The following UNC13C variants were observed in gnomAD, a reference collection of about 807,000 sequenced individuals.
UNC13C encodes the protein unc-13 homolog C.
Under a neutral mutation model 245.4 loss-of-function variants are expected in UNC13C, and 174 were observed. The ratio of observed to expected loss-of-function variants is 0.71; its 90% CI spans 0.63 to 0.80. The LOEUF is 0.80. Among genes scored for constraint, UNC13C ranks in the 30% least tolerant of loss-of-function variants. The pLI, the probability that UNC13C is intolerant of heterozygous loss-of-function variation, is 0.00. For missense variants in UNC13C, 2,829 were observed against 2,602.9 expected, an observed-to-expected ratio of 1.09 and a Z score of -1.89; for synonymous variants, 992 against 895.1, an observed-to-expected ratio of 1.11 and a Z score of -1.93.
At position 54,131,189 on chromosome 15, in the gene UNC13C, A is replaced by C. The variant is rs74341419; in HGVS notation, c.2984-11829A>C. Among the ~76,000 whole-genome samples the C allele has an allele frequency of 4.7e-3, 712 of 152,318 alleles. 30 individuals carry two copies. In the East Asian group the frequency reaches 0.093, roughly 20 times the overall value. On this transcript the variant is annotated intron_variant, in intron 2 of 32. Transcript: ENST00000260323. Reference sequence around the variant, plus strand: ...TGTTACCTAGTATTTGTGTGTCTGCATGGAATTTTGGTATATGTGGACCAG... The same window carrying C: ...TGTTACCTAGTATTTGTGTGTCTGCCTGGAATTTTGGTATATGTGGACCAG...
At position 54,515,666 on chromosome 15, in the gene UNC13C, C is replaced by T. The variant is rs145353809; in HGVS notation, c.5457+3836C>T. Among the ~76,000 whole-genome samples, 17 of 152,206 alleles carry T rather than the reference C, an allele frequency of 1.1e-4. No homozygotes were observed. The East Asian group carries it at 1.5e-3, about 14-fold the overall frequency. ...CTTCACAATATTTTATTGGTGCAATCGTTTTAAATGGTAGAATCCATAGTT... is the reference window on the plus strand; with the variant it reads ...CTTCACAATATTTTATTGGTGCAATTGTTTTAAATGGTAGAATCCATAGTT... On this transcript the variant is annotated intron_variant, in intron 24 of 32. Coordinates refer to ENST00000260323, the MANE Select transcript of UNC13C (RefSeq NM_001080534.3).
At chr15:54,309,094 A>T (rs968076311) in intron 13 of UNC13C, among the ~76,000 whole-genome samples, 3 of 151,762 alleles carry the variant, frequency 2.0e-5, no homozygotes, top group African/African-American at 7.3e-5. Flanking sequence ...GTTTGTCATA[A>T]TTGCTGTAAT....
intron 13 of UNC13C, among the ~76,000 whole-genome samples, chr15:54,306,444 G>A (rs2037725799): frequency 6.6e-6 from 1 of 151,950 alleles, no homozygotes; most frequent in African/African-American, 2.4e-5. Context: ...CACATATTTT[G>A]CATCATGGGG....
At chr15:54,160,362 G>A in intron 4 of UNC13C, among the ~76,000 whole-genome samples, 1 of 149,286 alleles carries the variant, frequency 6.7e-6, no homozygotes, top group South Asian at 2.2e-4. Flanking sequence ...TAAGAAAGAA[G>A]GATGTTATTA....
At chr15:54,589,192 T>C (rs1485522373) in intron 30 of UNC13C, among the ~76,000 whole-genome samples, 1 of 151,970 alleles carries the variant, frequency 6.6e-6, no homozygotes, top group Non-Finnish European at 1.5e-5. Context: ...AGTAAGGTGG[T>C]ATCGCATTGT....
At chr15:54,114,042 G>C (rs1318354578) in intron 2 of UNC13C, among the ~76,000 whole-genome samples, 1 of 152,002 alleles carries the variant, frequency 6.6e-6, no homozygotes, top group Non-Finnish European at 1.5e-5. Flanking sequence ...ATACAGCTCT[G>C]CCTCACCAGT....
At chr15:54,372,344 C>A (rs1308132168) in intron 17 of UNC13C, among the ~76,000 whole-genome samples, 1 of 151,680 alleles carries the variant, frequency 6.6e-6, no homozygotes, top group Non-Finnish European at 1.5e-5. Context: ...TCCTTAAGAG[C>A]CTAGATTATT....
At chr15:54,362,133 T>C (rs1054766249) in intron 17 of UNC13C, among the ~76,000 whole-genome samples, 1 of 152,190 alleles carries the variant, frequency 6.6e-6, no homozygotes, top group Non-Finnish European at 1.5e-5. Flanking sequence ...GCTGCCAAGA[T>C]CTGTGTACCA....
At chr15:54,017,698 G>A (rs907432346) in intron 2 of UNC13C, among the ~76,000 whole-genome samples, 6 of 152,108 alleles carry the variant, frequency 3.9e-5, no homozygotes, top group African/African-American at 1.4e-4. Flanking sequence ...TGTTACTGAT[G>A]GTGACCCTTC....
chr15:54,043,617 G>C (rs1177568634), intron 2 of UNC13C, among the ~76,000 whole-genome samples: 1 of 152,176 alleles, frequency 6.6e-6, no homozygotes, highest in African/African-American at 2.4e-5. Context: ...TTTGGTTCTT[G>C]TCAAGGGAAA....
At chr15:53,894,943 A>G in the UNC13C span, among the ~76,000 whole-genome samples, 1 of 152,312 alleles carries the variant, frequency 6.6e-6, no homozygotes. Context: ...AATTTGTTCC[A>G]CATAGTATTA....
chr15:54,516,918 T>A (rs1014142161), intron 24 of UNC13C, among the ~76,000 whole-genome samples: 1 of 152,126 alleles, frequency 6.6e-6, no homozygotes, highest in African/African-American at 2.4e-5. Flanking sequence ...CACCTGAGAT[T>A]CAAGGTGTTT....
intron 4 of UNC13C, among the ~76,000 whole-genome samples, chr15:54,208,875 G>A (rs1380849395): frequency 6.6e-6 from 1 of 152,054 alleles, no homozygotes; most frequent in African/African-American, 2.4e-5. Context: ...ATACATTTAT[G>A]CTTATCCCAT....
At chr15:54,573,646 C>T (rs1596595586) in intron 30 of UNC13C, among the ~76,000 whole-genome samples, 1 of 152,160 alleles carries the variant, frequency 6.6e-6, no homozygotes, top group Admixed American at 6.5e-5. Flanking sequence ...ATGCAAGTTG[C>T]TCTAATATGG....
intron 30 of UNC13C, among the ~76,000 whole-genome samples, chr15:54,618,540 G>A (rs903438303): frequency 1.3e-5 from 2 of 150,170 alleles, no homozygotes; most frequent in African/African-American, 4.9e-5. Flanking sequence ...GCCTTTTTGA[G>A]CAAATAACTA....
chr15:54,146,596 G>C (rs1371235735), intron 4 of UNC13C, among the ~76,000 whole-genome samples: 5 of 152,220 alleles, frequency 3.3e-5, no homozygotes, highest in African/African-American at 1.2e-4. Flanking sequence ...GGACAGAGAA[G>C]AGGTGACAGA....
At chr15:54,578,906 G>A (rs8040774) in intron 30 of UNC13C, among the ~76,000 whole-genome samples, 2 of 151,948 alleles carry the variant, frequency 1.3e-5, no homozygotes, top group Non-Finnish European at 2.9e-5. Context: ...CTGGGTGCCC[G>A]TTTGTGACAG....
chr15:54,154,596 G>C lies in UNC13C; in HGVS notation c.3071+10912G>C, dbSNP rs372779847. On this transcript the variant is annotated intron_variant, in intron 4 of 32. Transcript: ENST00000260323. ...AAATAAAATGTTATTTCTCATCCAT[G>C]CAACATTTCCGTTTTTTCCCCTTAT... 9.9e-5 allele frequency among the ~76,000 whole-genome samples: 15 copies of C among 152,194 alleles called. No individual in the cohort carries two copies. The East Asian group carries it at 2.9e-3, about 29-fold the overall frequency.
At chr15:54,253,261 C>G (rs2036199138) in intron 8 of UNC13C, among the ~76,000 whole-genome samples, 1 of 152,160 alleles carries the variant, frequency 6.6e-6, no homozygotes, top group African/African-American at 2.4e-5. Context: ...TGGAATTAGA[C>G]CAGGTGATGG....
Sources: allele counts gnomAD v4.1 joint callset (sites outside exome capture counted in the v4.1 genomes callset), GRCh38; gene constraint gnomAD v4.1.1; transcripts MANE v1.5; gene names NCBI Gene and HGNC (gene_info 2026-07-23, HGNC 2026-07-21).